CHCHD6: variants seen among roughly 807,000 people sequenced by gnomAD.
The protein encoded by CHCHD6 is coiled-coil-helix-coiled-coil-helix domain containing 6.
A neutral mutation model predicts 32.3 loss-of-function variants in CHCHD6; 28 were observed. That is an observed-to-expected ratio of 0.87 (90% CI 0.64 to 1.19). The LOEUF (loss-of-function observed/expected upper bound fraction) is 1.19. Ranked by LOEUF, CHCHD6 falls within the 50% of genes most tolerant of loss-of-function variation. The pLI, the probability that CHCHD6 is intolerant of heterozygous loss-of-function variation, is 0.00. For missense variants in CHCHD6, 333 were observed against 307.0 expected (o/e 1.08, Z -0.63); for synonymous variants, 122 against 117.5 (o/e 1.04, Z -0.25).
intron 1 of CHCHD6, among the ~76,000 whole-genome samples, chr3:126,705,810 C>T (rs1442054649): frequency 2.0e-5 from 3 of 152,058 alleles, no homozygotes; most frequent in African/African-American, 4.8e-5. Context: ...TCTTTTGAGC[C>T]TCAATGGCCA....
intron 6 of CHCHD6, among the ~76,000 whole-genome samples, chr3:126,924,562 G>A (rs1369249714): frequency 6.6e-6 from 1 of 152,220 alleles, no homozygotes; most frequent in African/African-American, 2.4e-5. Flanking sequence ...GACCCCATGA[G>A]ACAGGCACTG....
rs145769556 is a variant in CHCHD6, at chr3:126,760,610, C to T, written c.411+27388C>T. 2.6e-5 allele frequency among the ~76,000 whole-genome samples: 4 copies of T among 152,326 alleles called. No homozygotes were observed. In the East Asian group the frequency reaches 7.7e-4, roughly 29 times the overall value. ...CATAACAGTATTTGTCCTTTTGTAA[C>T]TGGCTTATTTCACTTAACATAATAC... On this transcript the variant is annotated intron_variant, in intron 4 of 7. Coordinates refer to ENST00000290913, the MANE Select transcript of CHCHD6 (RefSeq NM_032343.3).
intron 4 of CHCHD6, among the ~76,000 whole-genome samples, chr3:126,795,453 T>G (rs1938748227): frequency 6.6e-6 from 1 of 152,256 alleles, no homozygotes. Flanking sequence ...TGGAGAGTTT[T>G]TCTTTCTGAG....
At chr3:126,921,726 G>A (rs951517478) in intron 6 of CHCHD6, among the ~76,000 whole-genome samples, 2 of 152,170 alleles carry the variant, frequency 1.3e-5, no homozygotes, top group East Asian at 3.9e-4. Flanking sequence ...TGGCAGCCTT[G>A]GGACTCGCTA....
chr3:126,830,954 T>G (rs1312419970), intron 4 of CHCHD6, among the ~76,000 whole-genome samples: 1 of 151,922 alleles, frequency 6.6e-6, no homozygotes, highest in East Asian at 1.9e-4. Context: ...AGCACCTAAG[T>G]GTACCAGGGC....
At chr3:126,790,859 C>T (rs1457541984) in intron 4 of CHCHD6, among the ~76,000 whole-genome samples, 3 of 152,228 alleles carry the variant, frequency 2.0e-5, no homozygotes, top group Admixed American at 6.5e-5. Flanking sequence ...TGTTCCGTTG[C>T]TGGTGAGGAG....
intron 4 of CHCHD6, among the ~76,000 whole-genome samples, chr3:126,740,487 C>T (rs1326535031): frequency 6.6e-6 from 1 of 152,164 alleles, no homozygotes; most frequent in Non-Finnish European, 1.5e-5. Context: ...CTTTAGAGCA[C>T]CCTTCACACC....
chr3:126,863,525 T>C (rs1176710426), intron 5 of CHCHD6, among the ~76,000 whole-genome samples: 95 of 62,168 alleles, frequency 1.5e-3, no homozygotes, highest in Non-Finnish European at 1.7e-3. Flanking sequence ...TCCTCCACCA[T>C]CACCACCTCC....
rs2077725721 is a variant in CHCHD6 at position 126,889,470 on chromosome 3, GC to G, written c.496-25207del. Among the ~76,000 whole-genome samples the G allele has an allele frequency of 7.9e-5, 12 of 152,284 alleles. No individual in the cohort carries two copies. In the South Asian group the frequency reaches 2.5e-3, roughly 32 times the overall value. On this transcript the variant is annotated intron_variant, in intron 5 of 7. Transcript: ENST00000290913. ...GGGCTTGGCAGTCCAGCAACCTGGT[GC>G]CCTTGGTACTCGGGCTCCTCAGCAC...
At chr3:126,823,274 G>A (rs1049604952) in intron 4 of CHCHD6, among the ~76,000 whole-genome samples, 1 of 152,126 alleles carries the variant, frequency 6.6e-6, no homozygotes, top group Non-Finnish European at 1.5e-5. Context: ...TTGTATTTCT[G>A]TATCAATTTC....
chr3:126,732,365 TATA>T (rs1162353671), intron 3 of CHCHD6, among the ~76,000 whole-genome samples: 3 of 152,214 alleles, frequency 2.0e-5, no homozygotes, highest in Non-Finnish European at 4.4e-5. Context: ...CACTTAGTAT[TATA>T]ATGATTTGTC....
intron 5 of CHCHD6, among the ~76,000 whole-genome samples, chr3:126,902,471 C>T (rs189220167): frequency 2.6e-5 from 4 of 152,252 alleles, no homozygotes; most frequent in Admixed American, 2.6e-4. Flanking sequence ...AATCCCAGCA[C>T]TTTGGGAGGC....
chr3:126,866,036 A>T (rs960824838), intron 5 of CHCHD6, among the ~76,000 whole-genome samples: 8 of 152,156 alleles, frequency 5.3e-5, no homozygotes, highest in African/African-American at 1.2e-4. Context: ...AGAATCACAA[A>T]TGAAAATGAG....
At chr3:126,865,827 G>T in intron 5 of CHCHD6, 2 of 846,392 alleles carry the variant, frequency 2.4e-6, no homozygotes, top group Non-Finnish European at 1.4e-6. Flanking sequence ...AATCTCTGAG[G>T]TAAGGGGAAG....
chr3:126,789,661 G>A (rs756628946), intron 4 of CHCHD6, among the ~76,000 whole-genome samples: 5 of 151,806 alleles, frequency 3.3e-5, no homozygotes, highest in Non-Finnish European at 7.4e-5. Context: ...TGCCTTTTTT[G>A]TTTTCCATTT....
chr3:126,766,066 T>A (rs1366135165), intron 4 of CHCHD6, among the ~76,000 whole-genome samples: 2 of 152,090 alleles, frequency 1.3e-5, no homozygotes, highest in African/African-American at 4.8e-5. Flanking sequence ...TAGCATCTGC[T>A]TGGATCATGA....
chr3:126,901,008 C>G (rs113712009), intron 5 of CHCHD6, among the ~76,000 whole-genome samples: 1 of 148,026 alleles, frequency 6.8e-6, no homozygotes. Flanking sequence ...GATGCAAACA[C>G]CCCCCCCAGG....
At chr3:126,805,393 C>A (rs1939315800) in intron 4 of CHCHD6, among the ~76,000 whole-genome samples, 1 of 152,024 alleles carries the variant, frequency 6.6e-6, no homozygotes, top group African/African-American at 2.4e-5. Context: ...CACAAGCATT[C>A]TTATACACCA....
At chr3:126,826,990 CA>C (rs1200376344) in intron 4 of CHCHD6, among the ~76,000 whole-genome samples, 1 of 152,058 alleles carries the variant, frequency 6.6e-6, no homozygotes, top group Non-Finnish European at 1.5e-5. Context: ...TAGGAATTAA[CA>C]GGTGAAGGAT....
Sources: allele counts gnomAD v4.1 joint callset (sites outside exome capture counted in the v4.1 genomes callset), GRCh38; gene constraint gnomAD v4.1.1; transcripts MANE v1.5; gene names NCBI Gene and HGNC (gene_info 2026-07-23, HGNC 2026-07-21).